The following UNC13A variants were observed in gnomAD, a reference collection of about 807,000 sequenced individuals.
UNC13A encodes protein unc-13 homolog A.
A neutral mutation model predicts 219.7 loss-of-function variants in UNC13A; 61 were observed. The ratio of observed to expected loss-of-function variants is 0.28; its 90% CI spans 0.23 to 0.34. The LOEUF is 0.34. Among genes scored for constraint, UNC13A ranks in the 10% least tolerant of loss-of-function variants. UNC13A has a pLI of 1.00. For synonymous variants in UNC13A, 920 were observed against 884.6 expected, an observed-to-expected ratio of 1.04 and a Z score of -0.71; for missense variants, 1,476 against 2,270.3, an observed-to-expected ratio of 0.65 and a Z score of 7.11.
chr19:17,640,628 G>A lies in UNC13A; in HGVS notation c.2670C>T (p.Cys890=), dbSNP rs1355068061. 1 of 1,592,636 alleles carries A rather than the reference G, an allele frequency of 6.3e-7. No homozygotes were observed. Among genetic ancestry groups the A allele is most frequent in the South Asian group, 1.1e-5 (1 of 87,018 alleles). The change falls in exon 22 of 44, where the codon TGC becomes TGT. Residue 890 remains cysteine (C), a synonymous_variant. Transcript: ENST00000519716. ...HFACLSSKYM[C]PGVPAVMSTL... is the part of the protein sequence containing the mutation. ...TGCTCATGACGGCAGGCACCCCTGG[G>A]CACATATACTTGGAGGAGAGGCAGG...
At chr19:17,618,792 A>G (rs970638750) in intron 39 of UNC13A, 114 bp downstream of exon 39, 4 of 1,011,536 alleles carry the variant, frequency 4.0e-6, no homozygotes, top group Non-Finnish European at 6.2e-6. Context: ...CTGTCCTTTG[A>G]GCCTGTAATG....
chr19:17,672,704 A>T (rs751225095), intron 3 of UNC13A, among the ~76,000 whole-genome samples: 51 of 152,150 alleles, frequency 3.4e-4, no homozygotes, highest in Non-Finnish European at 5.9e-4. Context: ...GGGGTATCAC[A>T]AAAGAACCAG....
At chr19:17,684,625 T>TA (rs2080076336) in intron 1 of UNC13A, among the ~76,000 whole-genome samples, 2 of 152,354 alleles carry the variant, frequency 1.3e-5, no homozygotes, top group African/African-American at 4.8e-5. Flanking sequence ...ATAAGGCCCA[T>TA]ACACCATACA....
rs369967385 is a variant in UNC13A, at chr19:17,645,741, A to G, written c.2289T>C (p.Asp763=). The G allele has an allele frequency of 9.9e-5, 160 of 1,614,034 alleles. No individual in the cohort carries two copies. Among genetic ancestry groups the G allele is most frequent in the Non-Finnish European group, 1.2e-4 (146 of 1,180,020 alleles). ...CCTCAATGATCGTCTGCCCCAGGAA[A>G]TCGTCAGATTCCCTCTTGAACCTCT... The part of the protein sequence containing the change: ...VKQRFKRESD[D]FLGQTIIEVR... The change falls in exon 19 of 44, where the codon GAT becomes GAC. Residue 763 remains aspartate, a synonymous_variant. Transcript: ENST00000519716.
chr19:17,655,186 G>A, intron 11 of UNC13A, 88 bp downstream of exon 11: 1 of 1,084,524 alleles, frequency 9.2e-7, no homozygotes, highest in South Asian at 1.3e-5. Context: ...GCCAATATAG[G>A]TGTGGGTGTG....
chr19:17,681,319 C>T (rs2080014397), intron 1 of UNC13A, among the ~76,000 whole-genome samples: 1 of 151,908 alleles, frequency 6.6e-6, no homozygotes, highest in South Asian at 2.1e-4. Flanking sequence ...TGAAAGCCCA[C>T]CCGCCCCAGG....
At chr19:17,648,344 C>CAA in intron 16 of UNC13A, 87 bp downstream of exon 16, 3 of 618,086 alleles carry the variant, frequency 4.9e-6, no homozygotes, top group Non-Finnish European at 6.8e-6. Context: ...CCCCACCCAT[C>CAA]GCCTTGCCCT....
At chr19:17,614,552 A>G (rs55642229) in intron 41 of UNC13A, 36,190 of 151,654 alleles carry the variant, frequency 0.24, 4,539 homozygotes, top group Non-Finnish European at 0.28. Context: ...CCACCAGGCA[A>G]CTCCCCACTC....
At position 17,684,932 on chromosome 19, in the gene UNC13A, A is replaced by C. The variant is rs113512503; in HGVS notation, c.22+3246T>G. ...CACATATTGATGTTTGCATGTGTACATGGATGCAGTTCTGTGGCAGCTGTA... is the reference window on the plus strand; with the variant it reads ...CACATATTGATGTTTGCATGTGTACCTGGATGCAGTTCTGTGGCAGCTGTA... On this transcript the variant is annotated intron_variant, in intron 1 of 43. Transcript: ENST00000519716. 1.3e-3 allele frequency among the ~76,000 whole-genome samples: 203 copies of C among 152,310 alleles called. 1 individual carries two copies. The highest frequency in any genetic ancestry group is 4.7e-3 in the African/African-American group (196 of 41,558).
At chr19:17,683,220 C>T (rs1320177512) in intron 1 of UNC13A, among the ~76,000 whole-genome samples, 1 of 152,176 alleles carries the variant, frequency 6.6e-6, no homozygotes, top group East Asian at 1.9e-4. Context: ...CCACCTCTGG[C>T]TCTGTTCCAC....
chr19:17,647,729 C>G (rs1334104410), intron 16 of UNC13A, among the ~76,000 whole-genome samples: 1 of 151,732 alleles, frequency 6.6e-6, no homozygotes, highest in South Asian at 2.1e-4. Context: ...TGCCCCGCAC[C>G]CCTTGGAGTC....
Position 17,639,921 on chromosome 19 carries a change from G to GGGAGGA in UNC13A, c.2788-19_2788-14dup. 6.2e-7 allele frequency: 1 copy of GGGAGGA among 1,613,578 alleles called. No individual in the cohort carries two copies. The highest frequency in any genetic ancestry group is 1.1e-5 in the South Asian group (1 of 91,060). ...CGAAGCGCTCTTTCTGAGGAGGAAGGGGAGGAGGGAGGATGGATGGAGGCA... is the reference window on the plus strand; with the variant it reads ...CGAAGCGCTCTTTCTGAGGAGGAAGGGGAGGAGGAGGAGGGAGGATGGATGGAGGCA... On this transcript the variant is annotated splice_polypyrimidine_tract_variant and intron_variant, in intron 22 of 43. Transcript: ENST00000519716.
intron 1 of UNC13A, among the ~76,000 whole-genome samples, chr19:17,684,042 G>A (rs2080066744): frequency 6.6e-6 from 1 of 152,212 alleles, no homozygotes; most frequent in Non-Finnish European, 1.5e-5. Context: ...GCTGCAGCAA[G>A]CTGAGATCAT....
intron 41 of UNC13A, 67 bp from the exon 42 acceptor site, chr19:17,611,922 G>T: frequency 7.1e-7 from 1 of 1,411,952 alleles, no homozygotes; most frequent in Non-Finnish European, 1.0e-6. Context: ...GAGGGACCTT[G>T]ACGGCCTCCC....
At chr19:17,676,665 C>T (rs747752115) in intron 1 of UNC13A, among the ~76,000 whole-genome samples, 1 of 152,114 alleles carries the variant, frequency 6.6e-6, no homozygotes, top group Non-Finnish European at 1.5e-5. Context: ...TTGGGGAAGC[C>T]TCAAAGAAGG....
chr19:17,616,827 C>A (rs2076670920), intron 41 of UNC13A, among the ~76,000 whole-genome samples: 1 of 152,028 alleles, frequency 6.6e-6, no homozygotes, highest in South Asian at 2.1e-4. Context: ...GGCTGGGTGT[C>A]GATGGCGATT....
At chr19:17,635,024 C>G (rs1027683960) in intron 26 of UNC13A, among the ~76,000 whole-genome samples, 4 of 152,176 alleles carry the variant, frequency 2.6e-5, no homozygotes, top group African/African-American at 9.6e-5. Context: ...GCGCCCACCA[C>G]CACTCCCGGC....
In UNC13A at chr19:17,673,414, G is replaced by A. The variant is rs151037250; in HGVS notation, c.153-919C>T. Among the ~76,000 whole-genome samples, 1,155 of 145,120 alleles carry A rather than the reference G, an allele frequency of 8.0e-3. 14 individuals carry two copies. The highest frequency in any genetic ancestry group is 0.028 in the African/African-American group (1,093 of 39,138). ...ATATATATATCTGTTGGCTGGGATT[G>A]GTGGCTCCTGGCTCATGCCTATAAT... On this transcript the variant is annotated intron_variant, in intron 3 of 43. Coordinates refer to ENST00000519716, the MANE Select transcript of UNC13A (RefSeq NM_001080421.3).
At position 17,649,696 on chromosome 19, in the gene UNC13A, C is replaced by A; in HGVS notation, c.1440-109G>T. 7.9e-7 allele frequency: 1 copy of A among 1,262,898 alleles called. No homozygotes were observed. Among genetic ancestry groups the A allele is most frequent in the Admixed American group, 1.9e-5 (1 of 51,294 alleles). 78.2% of individuals were successfully genotyped at this position (1,262,898 alleles called of 1,614,324 possible). A position where few individuals can be genotyped will look rare whatever the true frequency, so the allele number is the denominator to read the frequency against. ...GGTGTTAAGGGGTTGAATTGGGTCC[C>A]TCAAAAAAAAGATACGCTGATGCCC... On this transcript the variant is annotated intron_variant, in intron 12 of 43. Coordinates refer to ENST00000519716, the MANE Select transcript of UNC13A (RefSeq NM_001080421.3). The surrounding 1 kb of genome is among the most constrained non-coding windows in gnomAD (Gnocchi z 4.4).
Sources: gnomAD v4.1 joint callset for allele counts (sites outside exome capture counted in the v4.1 genomes callset) on GRCh38, gnomAD v4.1.1 for gene constraint, Gnocchi (gnomAD v3.1) non-coding constraint, MANE v1.5 for transcripts, NCBI Gene and HGNC (gene_info 2026-07-23, HGNC 2026-07-21) for gene names.